Variants in FRMPD4 observed in about 807,000 individuals in gnomAD.
FRMPD4 encodes the protein FERM and PDZ domain-containing protein 4.
A neutral mutation model predicts 94.1 loss-of-function variants in FRMPD4; 22 were observed. The ratio of observed to expected loss-of-function variants is 0.23; its 90% confidence interval spans 0.17 to 0.33. The LOEUF (loss-of-function observed/expected upper bound fraction) is 0.33, where lower values mean the gene tolerates loss of function less well. Among genes scored for constraint, FRMPD4 ranks in the 10% least tolerant of loss-of-function variants. The pLI is 1.00. For missense variants in FRMPD4, 1,111 were observed against 1,339.9 expected, an observed-to-expected ratio of 0.83 and a Z score of 2.67; for synonymous variants, 631 against 548.6, an observed-to-expected ratio of 1.15 and a Z score of -2.10.
intron 4 of FRMPD4, among the ~76,000 whole-genome samples, chrX:12,661,941 G>A (rs1027828653): frequency 6.3e-5 from 7 of 111,981 alleles, no homozygotes; most frequent in Non-Finnish European, 5.6e-5. Flanking sequence ...GCTACGTTAT[G>A]GCTTGTTATC....
chrX:11,876,211 C>T (rs900647843), intron 2 of FRMPD4, among the ~76,000 whole-genome samples: 4 of 111,332 alleles, frequency 3.6e-5, no homozygotes, highest in African/African-American at 1.3e-4. Flanking sequence ...CTCCCTCTGG[C>T]GTGCCATTCT....
At chrX:12,098,221 T>C (rs1234295044) in intron 3 of FRMPD4, among the ~76,000 whole-genome samples, 2 of 110,334 alleles carry the variant, frequency 1.8e-5, no homozygotes, top group Admixed American at 1.9e-4. Context: ...TGAAAGATTG[T>C]TATTGCAAAT....
At chrX:12,081,710 G>A (rs1391045215) in intron 3 of FRMPD4, among the ~76,000 whole-genome samples, 3 of 111,543 alleles carry the variant, frequency 2.7e-5, no homozygotes, top group African/African-American at 9.8e-5. Context: ...CAGGAGTTGT[G>A]CTTTTCATGT....
upstream of FRMPD4, among the ~76,000 whole-genome samples, chrX:12,133,468 A>G (rs1309347745): frequency 8.1e-5 from 9 of 110,449 alleles, no homozygotes; most frequent in Non-Finnish European, 7.6e-5. Context: ...TCTGTTCCCC[A>G]GGCTGGAGTG....
rs747858490 is a variant in FRMPD4 at position 12,698,115 on chromosome X, C to T, written c.933+3661C>T. 2.7e-5 allele frequency among the ~76,000 whole-genome samples: 3 copies of T among 112,046 alleles called. No homozygotes were observed. In the South Asian group the frequency reaches 1.1e-3, roughly 42 times the overall value. On this transcript the variant is annotated intron_variant, in intron 9 of 16. Transcript: ENST00000675598. ...AGAACAAAAGAGTAAGCAGGAGCAACATGTATCACTTTACAAAGATAAAAT... is the reference window on the plus strand; with the variant it reads ...AGAACAAAAGAGTAAGCAGGAGCAATATGTATCACTTTACAAAGATAAAAT...
At chrX:12,169,832 A>T (rs1028862822) in intron 1 of FRMPD4, among the ~76,000 whole-genome samples, 1 of 112,547 alleles carries the variant, frequency 8.9e-6, no homozygotes, top group Non-Finnish European at 1.9e-5. Context: ...AAAACACATG[A>T]CATATAGAAC....
At chrX:12,327,953 A>G (rs143237696) in intron 1 of FRMPD4, among the ~76,000 whole-genome samples, 1 of 111,656 alleles carries the variant, frequency 9.0e-6, no homozygotes, top group African/African-American at 3.3e-5. Flanking sequence ...TCCCATCAAT[A>G]GTTGGAGTCT....
chrX:12,041,738 T>A (rs1159167221), intron 3 of FRMPD4, among the ~76,000 whole-genome samples: 1 of 111,577 alleles, frequency 9.0e-6, no homozygotes, highest in Non-Finnish European at 1.9e-5. Context: ...TTCCTTTTTT[T>A]CTCTTCCTTT....
At chrX:12,497,984 G>T (rs1226596009) in intron 1 of FRMPD4, among the ~76,000 whole-genome samples, 1 of 111,165 alleles carries the variant, frequency 9.0e-6, no homozygotes, top group Non-Finnish European at 1.9e-5. Context: ...GCACCAGGCT[G>T]GGGGAAGGGT....
At chrX:12,467,633 T>C (rs1173232763) in intron 1 of FRMPD4, among the ~76,000 whole-genome samples, 1 of 112,329 alleles carries the variant, frequency 8.9e-6, no homozygotes, top group Non-Finnish European at 1.9e-5. Flanking sequence ...AAATTATCCA[T>C]TTTACTTTTA....
intron 1 of FRMPD4, among the ~76,000 whole-genome samples, chrX:12,484,875 A>G (rs1342375484): frequency 8.9e-6 from 1 of 112,354 alleles, no homozygotes; most frequent in Non-Finnish European, 1.9e-5. Context: ...CTATGTATGT[A>G]TCTATTGTTG....
chrX:12,489,187 C>T (rs1200278394), intron 1 of FRMPD4, among the ~76,000 whole-genome samples: 2 of 111,762 alleles, frequency 1.8e-5, no homozygotes, highest in Admixed American at 9.5e-5. Context: ...AATTTAAGAA[C>T]TTAATGGAAT....
chrX:12,101,220 G>T (rs1309621963), intron 3 of FRMPD4, among the ~76,000 whole-genome samples: 10 of 111,081 alleles, frequency 9.0e-5, no homozygotes. Context: ...TCCATTGATG[G>T]TCATCTAGCA....
chrX:12,259,908 C>A (rs928563577), intron 1 of FRMPD4, among the ~76,000 whole-genome samples: 2 of 111,788 alleles, frequency 1.8e-5, no homozygotes, highest in Non-Finnish European at 3.8e-5. Flanking sequence ...ACTAGATGTA[C>A]TTGATGCCTA....
At chrX:11,903,539 C>T (rs2053950123) in intron 3 of FRMPD4, among the ~76,000 whole-genome samples, 1 of 103,825 alleles carries the variant, frequency 9.6e-6, no homozygotes. Flanking sequence ...ATTTTAAATT[C>T]CATGCTTTAT....
chrX:12,600,623 A>G (rs113192667), intron 2 of FRMPD4, among the ~76,000 whole-genome samples: 2,798 of 112,193 alleles, frequency 0.025, 89 homozygotes, highest in African/African-American at 0.086. Context: ...TGTCACCAGC[A>G]AACCAACAAC....
intron 1 of FRMPD4, among the ~76,000 whole-genome samples, chrX:12,208,333 C>T (rs1423058866): frequency 9.1e-6 from 1 of 110,324 alleles, no homozygotes; most frequent in African/African-American, 3.3e-5. Context: ...TAGCTGAAGA[C>T]CACATGTCAT....
rs774863408 is a variant in FRMPD4 at position 12,365,671 on chromosome X, T to C, written c.42-133009T>C. ...ATGTCCTCCTTCTCCTTCATCTCTT[T>C]GGATTCACTTGCCTCTACCCATTCC... On this transcript the variant is annotated intron_variant, in intron 1 of 16. Transcript: ENST00000675598. Among the ~76,000 whole-genome samples the C allele has an allele frequency of 2.0e-4, 22 of 111,884 alleles. No individual in the cohort carries two copies. In the East Asian group the frequency reaches 5.9e-3, roughly 30 times the overall value.
chrX:11,845,018 C>G (rs994524635), intron 1 of FRMPD4, among the ~76,000 whole-genome samples: 3 of 112,228 alleles, frequency 2.7e-5, no homozygotes, highest in Non-Finnish European at 5.6e-5. Context: ...TAATTTCTTA[C>G]ACTTTTCAAT....
Sources: gnomAD v4.1 joint callset for allele counts (sites outside exome capture counted in the v4.1 genomes callset) on GRCh38, gnomAD v4.1.1 for gene constraint, MANE v1.5 for transcripts, NCBI Gene and HGNC (gene_info 2026-07-23, HGNC 2026-07-21) for gene names.